Variants in ESCO2 observed in about 807,000 individuals in gnomAD.
ESCO2 encodes the protein establishment of sister chromatid cohesion N-acetyltransferase 2.
ESCO2 carries 51 observed loss-of-function variants against 61.7 expected under a neutral mutation model. That is an observed-to-expected ratio of 0.83 (90% CI 0.66 to 1.04). The LOEUF is 1.04. ESCO2 is among the 50% of genes least tolerant of loss of function. The probability of loss-of-function intolerance (pLI) is 0.00; values close to 1 mark genes in which losing one functional copy is unlikely to be tolerated. For synonymous variants in ESCO2, 230 were observed against 238.2 expected (o/e 0.97, Z 0.32); for missense variants, 692 against 686.2 (o/e 1.01, Z -0.09).
chr8:27,792,109 A>G (rs1256443219), intron 8 of ESCO2, 57 bp downstream of exon 8: 3 of 1,550,612 alleles, frequency 1.9e-6, no homozygotes, highest in East Asian at 4.5e-5. Context: ...AAATCAACCT[A>G]TGTTGAAGTG....
At chr8:27,775,639 T>C (rs896824499) in intron 2 of ESCO2, 72 bp downstream of exon 2, 1 of 1,537,380 alleles carries the variant, frequency 6.5e-7, no homozygotes, top group Non-Finnish European at 9.0e-7. Context: ...TCTCCTATTT[T>C]CTAAAATTTT....
In ESCO2 at chr8:27,774,623, G is replaced by A. The variant is rs1336072562; in HGVS notation, c.-17+16G>A. 6.6e-6 allele frequency: 1 copy of A among 152,554 alleles called. No individual in the cohort carries two copies. The highest frequency in any genetic ancestry group is 1.5e-5 in the Non-Finnish European group (1 of 68,336). 9.5% of individuals were successfully genotyped at this position (152,554 alleles called of 1,614,324 possible). On this transcript the variant is annotated intron_variant, in intron 1 of 10. Transcript: ENST00000305188. Reference sequence around the variant, plus strand: ...TGAGGCGCAGGTAACCTCTGGAGTAGGCCGAGGCGGGGGGCTGTGGAAGGC... The same window carrying A: ...TGAGGCGCAGGTAACCTCTGGAGTAAGCCGAGGCGGGGGGCTGTGGAAGGC...
At chr8:27,812,929 A>G (rs763948184), downstream of ESCO2, among the ~76,000 whole-genome samples, 13 of 152,348 alleles carry the variant, frequency 8.5e-5, no homozygotes, top group Middle Eastern at 6.8e-3. Flanking sequence ...TCAAGGATCT[A>G]GAACTAGAAA....
chr8:27,792,108 T>C lies in ESCO2; in HGVS notation c.1353+56T>C, dbSNP rs983274571. On this transcript the variant is annotated intron_variant, in intron 8 of 10. Coordinates refer to ENST00000305188, the MANE Select transcript of ESCO2 (RefSeq NM_001017420.3). ...TTTCCCCACCCCCAAGAAATCAACC[T>C]ATGTTGAAGTGCAAACTGCCTTTGC... 9 of 1,551,682 alleles carry C rather than the reference T, an allele frequency of 5.8e-6. No individual in the cohort carries two copies. In the South Asian group the frequency reaches 8.9e-5, roughly 15 times the overall value.
upstream of ESCO2, chr8:27,772,587 A>T (rs775288012): frequency 4.2e-5 from 64 of 1,539,554 alleles, 1 homozygote; most frequent in African/African-American, 1.4e-5. Flanking sequence ...AGCAGCGCTC[A>T]ACTCACGAAG....
chr8:27,773,486 T>C (rs920198767), upstream of ESCO2, among the ~76,000 whole-genome samples: 1 of 149,388 alleles, frequency 6.7e-6, no homozygotes, highest in Non-Finnish European at 1.5e-5. Flanking sequence ...GGGAGGGGGG[T>C]TGGAATCTTC....
chr8:27,775,703 A>G (rs1172620647), intron 2 of ESCO2, 136 bp downstream of exon 2: 1 of 758,134 alleles, frequency 1.3e-6, no homozygotes, highest in Non-Finnish European at 2.3e-6. Context: ...GATAACCTAT[A>G]TTCTAATTCT....
Position 27,799,489 on chromosome 8 carries a change from G to T in ESCO2, c.1498-52G>T, listed in dbSNP as rs1172283514. ...ATTTAAGGAATTTTTTTTTAAAGCA[G>T]TGTGAACTCATCTGTGGTGTTAGCT... On this transcript the variant is annotated intron_variant, in intron 9 of 10. Coordinates refer to ENST00000305188, the MANE Select transcript of ESCO2 (RefSeq NM_001017420.3). 5 of 1,582,932 alleles carry T rather than the reference G, an allele frequency of 3.2e-6. No individual in the cohort carries two copies. In the East Asian group the frequency reaches 6.7e-5, roughly 21 times the overall value.
intron 9 of ESCO2, among the ~76,000 whole-genome samples, chr8:27,795,868 A>G (rs941783081): frequency 7.2e-5 from 11 of 152,154 alleles, no homozygotes; most frequent in African/African-American, 2.7e-4. Context: ...TATGCTTTTA[A>G]TGTGCTAGTT....
At chr8:27,812,169 G>A (rs35386738), downstream of ESCO2, 39,357 of 152,018 alleles carry the variant, frequency 0.26, 6,143 homozygotes, top group Middle Eastern at 0.36. Context: ...TATGATACCT[G>A]CAGGTTTTTC....
At chr8:27,783,114 A>C (rs1804961642) in intron 4 of ESCO2, among the ~76,000 whole-genome samples, 1 of 152,070 alleles carries the variant, frequency 6.6e-6, no homozygotes, top group Non-Finnish European at 1.5e-5. Flanking sequence ...TTCACCCTAA[A>C]ATTTCCCTAT....
rs1240895792 is a variant in ESCO2, at chr8:27,804,380, A to C, written c.*942A>C. On this transcript the variant is annotated 3_prime_UTR_variant, in exon 11 of 11. Coordinates refer to ENST00000305188, the MANE Select transcript of ESCO2 (RefSeq NM_001017420.3). Reference sequence around the variant, plus strand: ...TTGGATTAGATGTTTTCATTTTCTAATTTTTTGCTTGTTTAAAATGCACCT... The same window carrying C: ...TTGGATTAGATGTTTTCATTTTCTACTTTTTTGCTTGTTTAAAATGCACCT... 1 of 985,248 alleles carries C rather than the reference A, an allele frequency of 1.0e-6. No individual in the cohort carries two copies. Among genetic ancestry groups the C allele is most frequent in the African/African-American group, 1.7e-5 (1 of 57,214 alleles). The allele number at this position is 985,248 out of a possible 1,614,324, so 61.0% of individuals were successfully genotyped here.
chr8:27,808,992 G>A (rs1166277207), downstream of ESCO2, among the ~76,000 whole-genome samples: 5 of 152,084 alleles, frequency 3.3e-5, no homozygotes, highest in African/African-American at 4.8e-5. Flanking sequence ...TGTAGGAAGT[G>A]GAAATAAATT....
At chr8:27,775,625 GT>G in intron 2 of ESCO2, 58 bp downstream of exon 2, 1 of 1,578,396 alleles carries the variant, frequency 6.3e-7, no homozygotes, top group Non-Finnish European at 8.7e-7. Flanking sequence ...TGTCTCTCTT[GT>G]TCTCTCCTAT....
In ESCO2 at chr8:27,803,511, T is replaced by A. The variant is rs992463722; in HGVS notation, c.*73T>A. On this transcript the variant is annotated 3_prime_UTR_variant, in exon 11 of 11. Coordinates refer to ENST00000305188, the MANE Select transcript of ESCO2 (RefSeq NM_001017420.3). ...GCTCCTTATTATAAAATACAAACTA[T>A]TTAATATCAAAATAAAAAATACCGA... 3 of 1,512,194 alleles carry A rather than the reference T, an allele frequency of 2.0e-6. No homozygotes were observed. The highest frequency in any genetic ancestry group is 2.6e-5 in the East Asian group (1 of 38,940). The allele number at this position is 1,512,194 out of a possible 1,614,324, so 93.7% of individuals were successfully genotyped here.
chr8:27,792,361 A>G (rs1805196355), intron 8 of ESCO2, among the ~76,000 whole-genome samples: 1 of 152,136 alleles, frequency 6.6e-6, no homozygotes, highest in African/African-American at 2.4e-5. Flanking sequence ...CTGAGGTTGA[A>G]TGTTTAGCCA....
intron 9 of ESCO2, among the ~76,000 whole-genome samples, chr8:27,795,301 T>A (rs1319822886): frequency 1.3e-5 from 2 of 152,216 alleles, no homozygotes; most frequent in Non-Finnish European, 2.9e-5. Context: ...TCTTCTTGAC[T>A]TCTTTTTAAG....
intron 10 of ESCO2, among the ~76,000 whole-genome samples, chr8:27,800,958 A>C (rs986214852): frequency 1.3e-5 from 2 of 152,218 alleles, no homozygotes; most frequent in African/African-American, 4.8e-5. Context: ...AATGGAGAGC[A>C]ACTAATAATG....
chr8:27,799,850 G>C, intron 10 of ESCO2, 134 bp downstream of exon 10: 1 of 1,091,870 alleles, frequency 9.2e-7, no homozygotes, highest in Non-Finnish European at 1.4e-6. Context: ...GGCTAAGGAA[G>C]GTATTGGTAC....
Sources: allele counts gnomAD v4.1 joint callset (sites outside exome capture counted in the v4.1 genomes callset), GRCh38; gene constraint gnomAD v4.1.1; transcripts MANE v1.5; gene names NCBI Gene and HGNC (gene_info 2026-07-23, HGNC 2026-07-21).